BRIP1: variants seen among roughly 807,000 people sequenced by gnomAD.
BRIP1 encodes the protein Fanconi anemia group J protein.
In BRIP1, 88 loss-of-function variants were observed where a neutral mutation model predicts 119.7. The observed-to-expected ratio is 0.74, with a 90% CI of 0.62 to 0.88. The LOEUF (loss-of-function observed/expected upper bound fraction) is 0.88, where lower values mean the gene tolerates loss of function less well. Among genes scored for constraint, BRIP1 ranks in the 40% least tolerant of loss-of-function variants. BRIP1 has a pLI of 0.00. For missense variants in BRIP1, 1,259 were observed against 1,455.4 expected (o/e 0.87, Z 2.20); for synonymous variants, 443 against 496.5 (o/e 0.89, Z 1.43).
At chr17:61,817,022 G>A (rs1202299849) in intron 6 of BRIP1, among the ~76,000 whole-genome samples, 3 of 152,092 alleles carry the variant, frequency 2.0e-5, no homozygotes, top group African/African-American at 7.2e-5. Context: ...ATTACAAAAG[G>A]AAAATGTACC....
rs550118660 is a variant in BRIP1 at position 61,693,173 on chromosome 17, G to A, written c.2575+257C>T. On this transcript the variant is annotated intron_variant, in intron 18 of 19. Transcript: ENST00000259008. This position sits in a 1 kb window ranked among gnomAD's most constrained non-coding sequence, Gnocchi z 4.2. ...GGTATCCAAAACAGTCAAACTAATA[G>A]AAGCAGAAAGTATAGCGGTGGTTGT... Among the ~76,000 whole-genome samples the A allele has an allele frequency of 6.6e-6, 1 of 152,286 alleles. No individual in the cohort carries two copies. Among genetic ancestry groups the A allele is most frequent in the Admixed American group, 6.5e-5 (1 of 15,288 alleles).
chr17:61,728,214 T>C (rs2076795954), intron 16 of BRIP1, among the ~76,000 whole-genome samples: 1 of 152,020 alleles, frequency 6.6e-6, no homozygotes, highest in Admixed American at 6.6e-5. Flanking sequence ...GCTTTTCAAA[T>C]GTGAATGTGA....
rs578022079 is a variant in BRIP1 at position 61,686,148 on chromosome 17, G to A, written c.2593C>T (p.Arg865Trp). ...GTTGAATGGTGCTGAATCTGCTGCC[G>A]TACCCATTTAGAAAGTCCTAAAGAA... ...RYISGLSKWVRQQIQHHSTFE... is the reference protein window; with the variant it reads ...RYISGLSKWVWQQIQHHSTFE... Residue 865 changes from arginine to tryptophan, a missense_variant, in exon 19 of 20, where the codon CGG becomes TGG. Transcript: ENST00000259008. This position sits in a 1 kb window ranked among gnomAD's most constrained non-coding sequence, Gnocchi z 5.4. 43 of 1,613,968 alleles carry A rather than the reference G, an allele frequency of 2.7e-5. No homozygotes were observed. The highest frequency in any genetic ancestry group is 3.3e-5 in the South Asian group (3 of 91,072).
In BRIP1 at chr17:61,846,979, G is replaced by A. The variant is rs868728653; in HGVS notation, c.627+122C>T. 43 of 1,143,360 alleles carry A rather than the reference G, an allele frequency of 3.8e-5. 1 individual carries two copies. The Middle Eastern group carries it at 1.7e-3, about 45-fold the overall frequency. 70.8% of individuals were successfully genotyped at this position (1,143,360 alleles called of 1,614,324 possible). ...AGTAACAGAGATGTGACAGCATTGA[G>A]GACTTCTGAGTGGGTTGCTACTGTC... On this transcript the variant is annotated intron_variant, in intron 6 of 19. Transcript: ENST00000259008. This position sits in a 1 kb window ranked among gnomAD's most constrained non-coding sequence, Gnocchi z 4.3.
rs1220748627 is a variant in BRIP1 at position 61,846,921 on chromosome 17, A to G, written c.627+180T>C. On this transcript the variant is annotated intron_variant, in intron 6 of 19. Coordinates refer to ENST00000259008, the MANE Select transcript of BRIP1 (RefSeq NM_032043.3). This position sits in a 1 kb window ranked among gnomAD's most constrained non-coding sequence, Gnocchi z 4.3. ...TATTTTATAAATAAGGAAACGAGGCATAGAGAGAATAGGCTTTGCCATCTC... is the reference window on the plus strand; with the variant it reads ...TATTTTATAAATAAGGAAACGAGGCGTAGAGAGAATAGGCTTTGCCATCTC... 6.6e-6 allele frequency among the ~76,000 whole-genome samples: 1 copy of G among 152,236 alleles called. No individual in the cohort carries two copies. The highest frequency in any genetic ancestry group is 1.5e-5 in the Non-Finnish European group (1 of 68,030).
chr17:61,731,856 T>C lies in BRIP1; in HGVS notation c.2379+11157A>G, dbSNP rs188279160. 9.9e-5 allele frequency among the ~76,000 whole-genome samples: 15 copies of C among 152,046 alleles called. No individual in the cohort carries two copies. The East Asian group carries it at 2.9e-3, about 29-fold the overall frequency. ...ATGAGACAAGGGGCTATAAACTGTG[T>C]TGTGTATCACTCTGTCCCCTGAGTC... is the stretch of plus-strand genomic sequence containing the variant. On this transcript the variant is annotated intron_variant, in intron 16 of 19. Coordinates refer to ENST00000259008, the MANE Select transcript of BRIP1 (RefSeq NM_032043.3).
intron 16 of BRIP1, among the ~76,000 whole-genome samples, chr17:61,727,828 G>A (rs2076788843): frequency 6.6e-6 from 1 of 150,758 alleles, no homozygotes; most frequent in African/African-American, 2.4e-5. Context: ...ATGAGCAAAG[G>A]TTTGATTTTT....
At chr17:61,858,437 G>C (rs905788380) in intron 3 of BRIP1, among the ~76,000 whole-genome samples, 1 of 150,966 alleles carries the variant, frequency 6.6e-6, no homozygotes, top group Admixed American at 6.6e-5. Flanking sequence ...GCAATGGCGC[G>C]ATCTCGGCTC....
chr17:61,781,169 G>A (rs897970320), intron 11 of BRIP1, among the ~76,000 whole-genome samples, 164 bp from the exon 12 acceptor site: 2 of 152,130 alleles, frequency 1.3e-5, no homozygotes, highest in African/African-American at 4.8e-5. Context: ...CAGTAATTCT[G>A]ATATTAATAA....
intron 4 of BRIP1, among the ~76,000 whole-genome samples, chr17:61,855,431 T>G (rs2078882173): frequency 1.3e-5 from 2 of 151,548 alleles, no homozygotes; most frequent in Admixed American, 1.3e-4. Context: ...TACAAAAAAT[T>G]AGCTGGGTGT....
Position 61,699,446 on chromosome 17 carries a change from C to T in BRIP1, c.2493-5934G>A, listed in dbSNP as rs1277500174. On this transcript the variant is annotated intron_variant, in intron 17 of 19. Transcript: ENST00000259008. This position sits in a 1 kb window ranked among gnomAD's most constrained non-coding sequence, Gnocchi z 4.8. ...CTTGTCATTTACATTACTATATTTT[C>T]TTATTTTTATTAGTGGTTGAAGAGT... 3.3e-5 allele frequency among the ~76,000 whole-genome samples: 5 copies of T among 151,980 alleles called. No individual in the cohort carries two copies. Among genetic ancestry groups the T allele is most frequent in the South Asian group, 2.1e-4 (1 of 4,816 alleles).
intron 17 of BRIP1, among the ~76,000 whole-genome samples, chr17:61,714,054 G>C (rs2061821289): frequency 6.6e-6 from 1 of 152,112 alleles, no homozygotes; most frequent in African/African-American, 2.4e-5. Context: ...CGTGTGCCTG[G>C]AGTTCCAGCT....
chr17:61,783,425 T>C (rs760373628), intron 11 of BRIP1, among the ~76,000 whole-genome samples: 37 of 152,116 alleles, frequency 2.4e-4, no homozygotes, highest in Non-Finnish European at 4.9e-4. Context: ...ATTTCATGGG[T>C]ACAGAATTCC....
At position 61,841,431 on chromosome 17, in the gene BRIP1, C is replaced by T. The variant is rs1205796529; in HGVS notation, c.627+5670G>A. Among the ~76,000 whole-genome samples, 5 of 150,796 alleles carry T rather than the reference C, an allele frequency of 3.3e-5. No homozygotes were observed. The highest frequency in any genetic ancestry group is 7.4e-5 in the Non-Finnish European group (5 of 67,762). On this transcript the variant is annotated intron_variant, in intron 6 of 19. Coordinates refer to ENST00000259008, the MANE Select transcript of BRIP1 (RefSeq NM_032043.3). The surrounding 1 kb of genome is among the most constrained non-coding windows in gnomAD (Gnocchi z 4.1). Reference sequence around the variant, plus strand: ...TTTCTCAAAAGATACATAAAGCCAACAAGAACATGAAAAAATGCTGAACAT... The same window carrying T: ...TTTCTCAAAAGATACATAAAGCCAATAAGAACATGAAAAAATGCTGAACAT...
intron 16 of BRIP1, among the ~76,000 whole-genome samples, chr17:61,718,508 A>G (rs2061918146): frequency 6.6e-6 from 1 of 152,202 alleles, no homozygotes; most frequent in South Asian, 2.1e-4. Context: ...TGTATATGCC[A>G]ATCAGTACTT....
chr17:61,858,871 A>C (rs1357776348), intron 3 of BRIP1, among the ~76,000 whole-genome samples: 2 of 152,142 alleles, frequency 1.3e-5, no homozygotes, highest in Non-Finnish European at 2.9e-5. Flanking sequence ...TCTTTCATAG[A>C]AGTAAATATT....
rs531174784 is a variant in BRIP1 at position 61,844,091 on chromosome 17, T to C, written c.627+3010A>G. 4.5e-4 allele frequency among the ~76,000 whole-genome samples: 68 copies of C among 151,922 alleles called. 1 individual carries two copies. In the South Asian group the frequency reaches 0.013, roughly 30 times the overall value. On this transcript the variant is annotated intron_variant, in intron 6 of 19. Transcript: ENST00000259008. This position sits in a 1 kb window ranked among gnomAD's most constrained non-coding sequence, Gnocchi z 4.7. ...AGTACACACCACCACACACAGCTAT[T>C]TTTTTTCTTCTATTCTTTATAAAGA...
intron 6 of BRIP1, among the ~76,000 whole-genome samples, chr17:61,820,998 A>AG: frequency 6.6e-6 from 1 of 151,724 alleles, no homozygotes; most frequent in East Asian, 1.9e-4. Flanking sequence ...ACAGAGTGGG[A>AG]GGGGGCTTGA....
Position 61,701,523 on chromosome 17 carries a change from T to G in BRIP1, c.2493-8011A>C, listed in dbSNP as rs1178196912. Among the ~76,000 whole-genome samples the G allele has an allele frequency of 6.6e-6, 1 of 152,222 alleles. No individual in the cohort carries two copies. Among genetic ancestry groups the G allele is most frequent in the East Asian group, 1.9e-4 (1 of 5,204 alleles). On this transcript the variant is annotated intron_variant, in intron 17 of 19. Coordinates refer to ENST00000259008, the MANE Select transcript of BRIP1 (RefSeq NM_032043.3). The surrounding 1 kb of genome is among the most constrained non-coding windows in gnomAD (Gnocchi z 5.1). ...GTAATAACTCTGATCTTGTTTTCACTTCCTGCTTCAGCAGAGCACCAAGGT... is the reference window on the plus strand; with the variant it reads ...GTAATAACTCTGATCTTGTTTTCACGTCCTGCTTCAGCAGAGCACCAAGGT...
Sources: gnomAD v4.1 joint callset for allele counts (sites outside exome capture counted in the v4.1 genomes callset) on GRCh38, gnomAD v4.1.1 for gene constraint, Gnocchi (gnomAD v3.1) non-coding constraint, MANE v1.5 for transcripts, NCBI Gene and HGNC (gene_info 2026-07-23, HGNC 2026-07-21) for gene names.